EEIG2: variants seen among roughly 807,000 people sequenced by gnomAD.
EEIG2 encodes the protein EEIG family member 2, also known as family with sequence similarity 102 member B.
chr1:108,615,868 G>GC, the EEIG2 span, among the ~76,000 whole-genome samples: 1 of 151,730 alleles, frequency 6.6e-6, no homozygotes, highest in Non-Finnish European at 1.5e-5. Flanking sequence ...GAAGCCACCA[G>GC]CTGGCATCCC....
the EEIG2 span, among the ~76,000 whole-genome samples, chr1:108,609,429 G>A: frequency 9.2e-5 from 14 of 152,268 alleles, no homozygotes; most frequent in South Asian, 1.7e-3. Flanking sequence ...GGTGGAAGGC[G>A]GTAACTACAA....
At chr1:108,595,356 C>T in the EEIG2 span, among the ~76,000 whole-genome samples, 1 of 118,924 alleles carries the variant, frequency 8.4e-6, no homozygotes, top group Admixed American at 9.4e-5. Flanking sequence ...AATGTAGTGG[C>T]TTTTACAGAG....
chr1:108,567,319 A>G, the EEIG2 span, among the ~76,000 whole-genome samples: 1 of 152,184 alleles, frequency 6.6e-6, no homozygotes, highest in Admixed American at 6.5e-5. Flanking sequence ...AATCTTCAAG[A>G]TATTCCCGTG....
At chr1:108,619,460 A>G in the EEIG2 span, among the ~76,000 whole-genome samples, 1 of 152,242 alleles carries the variant, frequency 6.6e-6, no homozygotes, top group Admixed American at 6.5e-5. Context: ...TAAAAAGTAA[A>G]TTAGTTTTAT....
the EEIG2 span, among the ~76,000 whole-genome samples, chr1:108,575,097 C>T: frequency 6.6e-6 from 1 of 152,166 alleles, no homozygotes; most frequent in Non-Finnish European, 1.5e-5. Flanking sequence ...AACTGTTTAA[C>T]ATCAGAGGAA....
At chr1:108,626,522 T>C in the EEIG2 span, 7 of 152,236 alleles carry the variant, frequency 4.6e-5, no homozygotes, top group Admixed American at 1.3e-4. Context: ...TCCTTTCTTA[T>C]TGAGTCCTGC....
At chr1:108,579,764 T>TGA in the EEIG2 span, among the ~76,000 whole-genome samples, 1 of 17,310 alleles carries the variant, frequency 5.8e-5, no homozygotes. Context: ...TGTGTGTGTG[T>TGA]GTGTGTGTGA....
chr1:108,560,474 G>C, the EEIG2 span: 2 of 1,613,420 alleles, frequency 1.2e-6, no homozygotes, highest in South Asian at 1.1e-5. Flanking sequence ...CTTCGAGCTC[G>C]AGGAGCTCTC....
At chr1:108,616,341 A>G in the EEIG2 span, 2 of 1,331,930 alleles carry the variant, frequency 1.5e-6, no homozygotes, top group South Asian at 1.2e-5. Context: ...GAAGCATTTT[A>G]TAATTTTTTA....
the EEIG2 span, among the ~76,000 whole-genome samples, chr1:108,615,731 G>A: frequency 6.6e-6 from 1 of 151,184 alleles, no homozygotes; most frequent in African/African-American, 2.4e-5. Context: ...AGTGATCTGT[G>A]ATAGCACCAC....
At chr1:108,605,854 C>T in the EEIG2 span, among the ~76,000 whole-genome samples, 4 of 152,116 alleles carry the variant, frequency 2.6e-5, no homozygotes, top group Non-Finnish European at 5.9e-5. Context: ...GGTTTCAAGT[C>T]CTGTTGAAAT....
the EEIG2 span, among the ~76,000 whole-genome samples, chr1:108,610,685 A>G: frequency 1.3e-5 from 2 of 152,008 alleles, no homozygotes; most frequent in Admixed American, 1.3e-4. Flanking sequence ...AATCCCAGCA[A>G]TTTGGGAGAC....
At chr1:108,609,618 C>G in the EEIG2 span, among the ~76,000 whole-genome samples, 1 of 152,128 alleles carries the variant, frequency 6.6e-6, no homozygotes, top group African/African-American at 2.4e-5. Flanking sequence ...TTGGCATTTT[C>G]AAGAAAGAGG....
chr1:108,564,380 T>C, the EEIG2 span, among the ~76,000 whole-genome samples: 2 of 152,216 alleles, frequency 1.3e-5, no homozygotes, highest in Non-Finnish European at 2.9e-5. Flanking sequence ...GATAATCTTA[T>C]GACAGATGCC....
chr1:108,599,066 G>A, the EEIG2 span, among the ~76,000 whole-genome samples: 1 of 152,080 alleles, frequency 6.6e-6, no homozygotes, highest in Non-Finnish European at 1.5e-5. Flanking sequence ...TTGGGAGGCT[G>A]AGGTGGGAAG....
At chr1:108,592,898 C>G in the EEIG2 span, among the ~76,000 whole-genome samples, 1 of 152,100 alleles carries the variant, frequency 6.6e-6, no homozygotes, top group Admixed American at 6.5e-5. Context: ...TGGCTCTCGC[C>G]TGTAATCTCA....
the EEIG2 span, among the ~76,000 whole-genome samples, chr1:108,609,680 G>A: frequency 1.3e-5 from 2 of 152,184 alleles, no homozygotes; most frequent in African/African-American, 4.8e-5. Context: ...AAGTTGGCCA[G>A]GTAGCCAGGC....
chr1:108,636,893 C>A, the EEIG2 span: 2 of 152,100 alleles, frequency 1.3e-5, no homozygotes, highest in African/African-American at 4.8e-5. Context: ...TTTATTATGA[C>A]ATTTTTTAAA....
chr1:108,593,837 G>C, the EEIG2 span, among the ~76,000 whole-genome samples: 3 of 152,088 alleles, frequency 2.0e-5, no homozygotes, highest in East Asian at 3.9e-4. Context: ...ATAAAGCCTC[G>C]CTCTGTTGCC....
Sources: allele counts gnomAD v4.1 joint callset (sites outside exome capture counted in the v4.1 genomes callset), GRCh38; gene constraint gnomAD v4.1.1; transcripts MANE v1.5; gene names NCBI Gene and HGNC (gene_info 2026-07-23, HGNC 2026-07-21).